Variants in OPHN1 observed in about 807,000 individuals in gnomAD.
The protein encoded by OPHN1 is oligophrenin 1, also known as oligophrenin-1.
In OPHN1, 11 loss-of-function variants were observed where a neutral mutation model predicts 60.7. The ratio of observed to expected loss-of-function variants is 0.18; its 90% CI spans 0.11 to 0.30. OPHN1 has a LOEUF of 0.30. Ranked by LOEUF, OPHN1 falls within the 10% of genes least tolerant of loss-of-function variation. The pLI, the probability that OPHN1 is intolerant of heterozygous loss-of-function variation, is 1.00. For synonymous variants in OPHN1, 226 were observed against 222.6 expected, an observed-to-expected ratio of 1.02 and a Z score of -0.14; for missense variants, 449 against 611.0, an observed-to-expected ratio of 0.73 and a Z score of 2.80.
rs1231339137 is a variant in OPHN1, at chrX:68,314,839, A to G, written c.155-15743T>C. Among the ~76,000 whole-genome samples, 6 of 109,806 alleles carry G rather than the reference A, an allele frequency of 5.5e-5. 1 individual carries two copies. The Admixed American group carries it at 5.9e-4, about 11-fold the overall frequency. On this transcript the variant is annotated intron_variant, in intron 2 of 24. Transcript: ENST00000355520. ...TGTCTCTACTAAAAATACAAAAATTAGCTGGGCATGGTGGCACATGCATAT... is the reference window on the plus strand; with the variant it reads ...TGTCTCTACTAAAAATACAAAAATTGGCTGGGCATGGTGGCACATGCATAT...
At chrX:68,048,382 C>A (rs986698480) in intron 24 of OPHN1, 34 bp downstream of exon 24, 38 of 1,176,251 alleles carry the variant, frequency 3.2e-5, no homozygotes, top group Non-Finnish European at 4.0e-5. Context: ...TTATGTGGAA[C>A]AAGATTTTGT....
chrX:68,302,696 T>C (rs2078126594), intron 2 of OPHN1, among the ~76,000 whole-genome samples: 1 of 111,500 alleles, frequency 9.0e-6, no homozygotes, highest in Non-Finnish European at 1.9e-5. Context: ...GGAAGGAGGA[T>C]TGCTTGAGGT....
At chrX:68,221,772 T>C (rs1445456650) in intron 6 of OPHN1, among the ~76,000 whole-genome samples, 1 of 96,059 alleles carries the variant, frequency 1.0e-5, no homozygotes, top group African/African-American at 3.7e-5. Flanking sequence ...TATACAAAAA[T>C]CAATTGAAGA....
chrX:68,429,997 T>C (rs1268298922), intron 2 of OPHN1, among the ~76,000 whole-genome samples: 3 of 110,185 alleles, frequency 2.7e-5, no homozygotes, highest in African/African-American at 1.0e-4. Context: ...ATCATGCCAC[T>C]GCACTCTAGC....
At chrX:68,052,740 T>C (rs2076857410) in intron 22 of OPHN1, 150 bp from the exon 23 acceptor site, 2 of 522,426 alleles carry the variant, frequency 3.8e-6, no homozygotes, top group African/African-American at 2.3e-5. Context: ...CATACAAATG[T>C]GAAATGGCCC....
chrX:68,380,902 C>T (rs2078593086), intron 2 of OPHN1, among the ~76,000 whole-genome samples: 1 of 111,545 alleles, frequency 9.0e-6, no homozygotes, highest in African/African-American at 3.3e-5. Flanking sequence ...GTTAGGTGCT[C>T]CTATCCCCAC....
intron 6 of OPHN1, among the ~76,000 whole-genome samples, chrX:68,226,349 G>T (rs1400269332): frequency 9.0e-6 from 1 of 111,353 alleles, no homozygotes. Context: ...AGCAAGGCAG[G>T]CCAACATTCA....
At chrX:68,335,849 GAACC>G (rs2147683426) in intron 2 of OPHN1, among the ~76,000 whole-genome samples, 1 of 111,669 alleles carries the variant, frequency 9.0e-6, no homozygotes, top group South Asian at 3.8e-4. Context: ...AGAATCACTT[GAACC>G]CGAGAGGTGG....
chrX:68,225,124 C>A (rs752079300), intron 6 of OPHN1, among the ~76,000 whole-genome samples: 17 of 112,067 alleles, frequency 1.5e-4, no homozygotes, highest in Non-Finnish European at 2.6e-4. Flanking sequence ...TCTCTTACTG[C>A]AAGCACAGCA....
At chrX:68,263,321 T>C (rs2077903960) in intron 5 of OPHN1, among the ~76,000 whole-genome samples, 1 of 111,872 alleles carries the variant, frequency 8.9e-6, no homozygotes, top group South Asian at 3.8e-4. Context: ...AACCTCTTCA[T>C]ATGCCAGTAG....
intron 4 of OPHN1, among the ~76,000 whole-genome samples, chrX:68,281,034 TC>T (rs1273473630): frequency 8.9e-6 from 1 of 111,745 alleles, no homozygotes; most frequent in Non-Finnish European, 1.9e-5. Context: ...TAAAAGCAAA[TC>T]CTAATCAAAA....
chrX:68,076,523 G>A (rs2076954438), intron 19 of OPHN1, among the ~76,000 whole-genome samples: 1 of 111,463 alleles, frequency 9.0e-6, no homozygotes, highest in Non-Finnish European at 1.9e-5. Flanking sequence ...TTAGCTGGAG[G>A]ATTCCACCAA....
intron 3 of OPHN1, among the ~76,000 whole-genome samples, chrX:68,297,504 A>C (rs1705180775): frequency 8.9e-6 from 1 of 112,326 alleles, no homozygotes; most frequent in African/African-American, 3.2e-5. Context: ...CACTAGTTAC[A>C]CAGTCACATT....
At chrX:68,151,972 C>T (rs2077286985) in intron 15 of OPHN1, among the ~76,000 whole-genome samples, 1 of 110,629 alleles carries the variant, frequency 9.0e-6, no homozygotes, top group African/African-American at 3.3e-5. Flanking sequence ...GTCTACATGG[C>T]CAGAGCAGAA....
At chrX:68,358,719 T>C (rs1219899661) in intron 2 of OPHN1, among the ~76,000 whole-genome samples, 2 of 112,308 alleles carry the variant, frequency 1.8e-5, no homozygotes, top group African/African-American at 6.5e-5. Flanking sequence ...TCCATAATCT[T>C]ATTTATGACT....
chrX:68,393,899 T>G (rs1403044858), intron 2 of OPHN1, among the ~76,000 whole-genome samples: 5 of 72,236 alleles, frequency 6.9e-5, no homozygotes, highest in Non-Finnish European at 1.4e-4. Flanking sequence ...TTTTTTTTTT[T>G]TTTTTTTTTT....
At chrX:68,275,312 T>C (rs1217477962) in intron 4 of OPHN1, among the ~76,000 whole-genome samples, 2 of 111,864 alleles carry the variant, frequency 1.8e-5, no homozygotes, top group African/African-American at 6.5e-5. Flanking sequence ...AACACTAGAC[T>C]AGGCTTTCAA....
intron 2 of OPHN1, among the ~76,000 whole-genome samples, chrX:68,332,607 T>C: frequency 9.0e-6 from 1 of 111,682 alleles, no homozygotes. Flanking sequence ...GCTTGCCTTT[T>C]TCAAATTTGC....
intron 20 of OPHN1, chrX:68,071,729 G>A (rs56399869): frequency 2.5e-5 from 12 of 488,852 alleles, no homozygotes; most frequent in Admixed American, 5.5e-5. Context: ...GCCCTTTGAC[G>A]TCTGGTTTGT....
Sources: gnomAD v4.1 joint callset for allele counts (sites outside exome capture counted in the v4.1 genomes callset) on GRCh38, gnomAD v4.1.1 for gene constraint, MANE v1.5 for transcripts, NCBI Gene and HGNC (gene_info 2026-07-23, HGNC 2026-07-21) for gene names.